GALNTL6: variants seen among roughly 807,000 people sequenced by gnomAD.
GALNTL6 encodes polypeptide N-acetylgalactosaminyltransferase like 6.
A neutral mutation model predicts 73.7 loss-of-function variants in GALNTL6; 46 were observed. The observed-to-expected ratio is 0.62, with a 90% CI of 0.49 to 0.80. The LOEUF is 0.80. GALNTL6 is among the 30% of genes least tolerant of loss of function. The probability of loss-of-function intolerance (pLI) is 0.00; values close to 1 mark genes in which losing one functional copy is unlikely to be tolerated. For missense variants in GALNTL6, 604 were observed against 755.0 expected, an observed-to-expected ratio of 0.80 and a Z score of 2.34; for synonymous variants, 259 against 263.7, an observed-to-expected ratio of 0.98 and a Z score of 0.17.
chr4:172,268,883 T>C (rs1738542947), intron 3 of GALNTL6, among the ~76,000 whole-genome samples: 1 of 152,164 alleles, frequency 6.6e-6, no homozygotes, highest in Non-Finnish European at 1.5e-5. Context: ...AGTTCAATCT[T>C]AATCTTCACA....
At chr4:171,842,887 T>C (rs1735274438) in intron 2 of GALNTL6, among the ~76,000 whole-genome samples, 1 of 152,110 alleles carries the variant, frequency 6.6e-6, no homozygotes, top group South Asian at 2.1e-4. Context: ...TCAATTTATT[T>C]TCCACTCAAA....
chr4:172,757,787 A>T (rs1354029744), intron 5 of GALNTL6, among the ~76,000 whole-genome samples: 1 of 152,208 alleles, frequency 6.6e-6, no homozygotes, highest in Non-Finnish European at 1.5e-5. Flanking sequence ...ATGGAAAGTA[A>T]ATGTTGAGAT....
intron 7 of GALNTL6, among the ~76,000 whole-genome samples, chr4:172,863,410 C>T (rs1744499795): frequency 6.6e-6 from 1 of 152,142 alleles, no homozygotes; most frequent in Non-Finnish European, 1.5e-5. Flanking sequence ...GGCGGAGCTG[C>T]CCAAGGCTGT....
chr4:171,944,249 C>T (rs1479919034), intron 2 of GALNTL6, among the ~76,000 whole-genome samples: 1 of 151,954 alleles, frequency 6.6e-6, no homozygotes, highest in African/African-American at 2.4e-5. Context: ...TTAATTGTAG[C>T]TTTCTATATT....
intron 2 of GALNTL6, among the ~76,000 whole-genome samples, chr4:172,121,562 A>G (rs1733151197): frequency 6.6e-6 from 1 of 152,124 alleles, no homozygotes. Context: ...GCCTAGATGA[A>G]CCTGTCCTGG....
intron 5 of GALNTL6, among the ~76,000 whole-genome samples, chr4:172,482,196 G>A (rs188951629): frequency 1.1e-3 from 169 of 152,302 alleles, no homozygotes; most frequent in African/African-American, 3.8e-3. Context: ...ACACCCACCC[G>A]GAACTCGCGC....
chr4:171,982,350 T>G (rs111649221), intron 2 of GALNTL6, among the ~76,000 whole-genome samples: 2 of 152,122 alleles, frequency 1.3e-5, no homozygotes, highest in South Asian at 4.1e-4. Flanking sequence ...CAGGCTGGAG[T>G]GCAGTGGCGC....
intron 7 of GALNTL6, among the ~76,000 whole-genome samples, chr4:172,836,016 C>A (rs2111068823): frequency 6.6e-6 from 1 of 152,250 alleles, no homozygotes; most frequent in Non-Finnish European, 1.5e-5. Flanking sequence ...CAACTCGGGG[C>A]CACTGTTTCC....
intron 5 of GALNTL6, among the ~76,000 whole-genome samples, chr4:172,697,932 AC>A (rs1733791773): frequency 6.6e-6 from 1 of 152,066 alleles, no homozygotes; most frequent in Non-Finnish European, 1.5e-5. Flanking sequence ...CTGGATCAAA[AC>A]CCCCATGACA....
intron 2 of GALNTL6, among the ~76,000 whole-genome samples, chr4:172,081,377 C>G (rs1042023007): frequency 1.3e-5 from 2 of 152,182 alleles, no homozygotes; most frequent in Non-Finnish European, 1.5e-5. Flanking sequence ...TGGTGGCTCA[C>G]GCCTAGAATC....
intron 7 of GALNTL6, among the ~76,000 whole-genome samples, chr4:172,858,174 T>TC (rs1744213657): frequency 6.6e-6 from 1 of 152,170 alleles, no homozygotes; most frequent in African/African-American, 2.4e-5. Context: ...AGGCAACTCC[T>TC]CCGATAATAG....
At chr4:172,756,638 TAA>T (rs766208245) in intron 5 of GALNTL6, among the ~76,000 whole-genome samples, 10 of 139,198 alleles carry the variant, frequency 7.2e-5, no homozygotes, top group Admixed American at 1.4e-4. Context: ...AGCGTGTGAC[TAA>T]AAAAAAAAAA....
intron 2 of GALNTL6, among the ~76,000 whole-genome samples, chr4:172,183,676 T>G (rs940113998): frequency 1.3e-5 from 2 of 152,220 alleles, no homozygotes; most frequent in Non-Finnish European, 2.9e-5. Flanking sequence ...AGTGTGAGAC[T>G]GCCTATTCCT....
chr4:171,958,502 GAGA>G (rs1429623446), intron 2 of GALNTL6, among the ~76,000 whole-genome samples: 8 of 152,156 alleles, frequency 5.3e-5, no homozygotes, highest in Non-Finnish European at 1.2e-4. Flanking sequence ...TCATTTCTAT[GAGA>G]AGAAGTTCAC....
At chr4:172,698,252 G>A (rs1733808321) in intron 5 of GALNTL6, among the ~76,000 whole-genome samples, 1 of 151,888 alleles carries the variant, frequency 6.6e-6, no homozygotes, top group Non-Finnish European at 1.5e-5. Flanking sequence ...GAGCCTGCCC[G>A]GTATTCAGAG....
intron 5 of GALNTL6, among the ~76,000 whole-genome samples, chr4:172,531,628 G>C (rs551422112): frequency 6.6e-6 from 1 of 152,276 alleles, no homozygotes; most frequent in East Asian, 1.9e-4. Flanking sequence ...CCTGCATCTG[G>C]AGTGGGCAAG....
intron 5 of GALNTL6, among the ~76,000 whole-genome samples, chr4:172,429,175 A>ATTTTATT (rs1554023237): frequency 2.5e-3 from 33 of 13,332 alleles, no homozygotes; most frequent in Non-Finnish European, 5.2e-3. Flanking sequence ...ATTTTGTTTT[A>ATTTTATT]TTATTTTATT....
At chr4:172,279,758 A>G (rs1738975631) in intron 3 of GALNTL6, among the ~76,000 whole-genome samples, 1 of 152,210 alleles carries the variant, frequency 6.6e-6, no homozygotes, top group East Asian at 1.9e-4. Flanking sequence ...CAGGGTCTTG[A>G]AAAGATATTT....
At chr4:171,893,075 C>T (rs1387239193) in intron 2 of GALNTL6, among the ~76,000 whole-genome samples, 1 of 152,086 alleles carries the variant, frequency 6.6e-6, no homozygotes, top group Non-Finnish European at 1.5e-5. Flanking sequence ...ATTATTATCC[C>T]GGTTTCACAA....
Sources: gnomAD v4.1 joint callset for allele counts (sites outside exome capture counted in the v4.1 genomes callset) on GRCh38, gnomAD v4.1.1 for gene constraint, MANE v1.5 for transcripts, NCBI Gene and HGNC (gene_info 2026-07-23, HGNC 2026-07-21) for gene names.